The following ADAMTS15 variants were observed in gnomAD, a reference collection of about 807,000 sequenced individuals.
ADAMTS15 encodes ADAM metallopeptidase with thrombospondin type 1 motif 15.
Under a neutral mutation model 79.1 loss-of-function variants are expected in ADAMTS15, and 35 were observed. That is an observed-to-expected ratio of 0.44 (90% CI 0.34 to 0.59). The LOEUF is 0.59. ADAMTS15 is among the 20% of genes least tolerant of loss of function. The probability of loss-of-function intolerance (pLI) is 0.02; values close to 1 mark genes in which losing one functional copy is unlikely to be tolerated. For missense variants in ADAMTS15, 1,324 were observed against 1,318.7 expected (o/e 1.00, Z -0.06); for synonymous variants, 616 against 567.3 (o/e 1.09, Z -1.22).
Position 130,448,986 on chromosome 11 carries a change from G to A in ADAMTS15, c.13G>A (p.Gly5Ser). The change falls in exon 1 of 8, where the codon GGC becomes AGC. Residue 5 changes from glycine (G) to serine (S), a missense_variant. By Grantham distance (56) the Gly-to-Ser change is moderately conservative. Transcript: ENST00000299164. MLLL[G>S]ILTLAFAGRT... ...GCTGCCCGGCGCCATGCTTCTGCTG[G>A]GCATCCTAACCCTGGCTTTCGCCGG... 6.7e-7 allele frequency: 1 copy of A among 1,500,908 alleles called. No homozygotes were observed. The highest frequency in any genetic ancestry group is 8.9e-7 in the Non-Finnish European group (1 of 1,125,908). 93.0% of individuals were successfully genotyped at this position (1,500,908 alleles called of 1,614,324 possible).
chr11:130,473,880 C>G lies in ADAMTS15; in HGVS notation c.*59C>G. The G allele has an allele frequency of 6.6e-7, 1 of 1,509,752 alleles. No individual in the cohort carries two copies. The highest frequency in any genetic ancestry group is 8.8e-7 in the Non-Finnish European group (1 of 1,132,206). 93.5% of individuals were successfully genotyped at this position (1,509,752 alleles called of 1,614,324 possible). A position where few individuals can be genotyped will look rare whatever the true frequency, so the allele number is the denominator to read the frequency against. ...CCCCACTGATATGCCAGCGTTCTGC[C>G]AGCTGGAGTAGCGGGCAGAGGACGG... On this transcript the variant is annotated 3_prime_UTR_variant, in exon 8 of 8. Coordinates refer to ENST00000299164, the MANE Select transcript of ADAMTS15 (RefSeq NM_139055.4).
rs1315581403 is a variant in ADAMTS15 at position 130,449,540 on chromosome 11, C to T, written c.567C>T (p.Asp189=). The T allele has an allele frequency of 6.3e-7, 1 of 1,576,194 alleles. No individual in the cohort carries two copies. The highest frequency in any genetic ancestry group is 8.6e-7 in the Non-Finnish European group (1 of 1,160,610). ...ACCCCGCCATCCTACGGGCCCTGGA[C>T]CCTTACAAGCCGCGGCGGGCGGGCT... ...GWNPAILRAL[D]PYKPRRAGFG... The change falls in exon 1 of 8, where the codon GAC becomes GAT. Residue 189 remains aspartate, a synonymous_variant. Transcript: ENST00000299164. The surrounding 1 kb of genome is among the most constrained non-coding windows in gnomAD (Gnocchi z 7.8).
chr11:130,449,369 C>T lies in ADAMTS15; in HGVS notation c.396C>T (p.Ala132=), dbSNP rs769119926. Residue 132 remains alanine (A), a synonymous_variant, in exon 1 of 8, where the codon GCC becomes GCT. Transcript: ENST00000299164. This position sits in a 1 kb window ranked among gnomAD's most constrained non-coding sequence, Gnocchi z 7.8. ...GLRGAFGYRG[A]EYVISPLPNA... is the part of the protein sequence containing the mutation. ...GCGGAGCCTTTGGCTACCGAGGCGCCGAGTATGTCATTAGCCCGCTGCCCA... is the reference window on the plus strand; with the variant it reads ...GCGGAGCCTTTGGCTACCGAGGCGCTGAGTATGTCATTAGCCCGCTGCCCA... The T allele has an allele frequency of 3.7e-6, 6 of 1,605,262 alleles. No individual in the cohort carries two copies. Among genetic ancestry groups the T allele is most frequent in the Non-Finnish European group, 5.1e-6 (6 of 1,179,924 alleles).
At chr11:130,459,828 T>G (rs1477195725) in intron 1 of ADAMTS15, among the ~76,000 whole-genome samples, 1 of 152,272 alleles carries the variant, frequency 6.6e-6, no homozygotes, top group Non-Finnish European at 1.5e-5. Flanking sequence ...TTCTGTACTC[T>G]GACCGCTTTT....
rs1189342305 is a variant in ADAMTS15, at chr11:130,473,644, G to C, written c.2676G>C (p.Glu892Asp). ...CCGTGGAGACACAAGCCTGCGGGGA[G>C]CCCTGCCCCACCTGGGAGCTCAGCG... ...HRPVETQACG[E>D]PCPTWELSAW... Residue 892 changes from glutamate (E) to aspartate (D), a missense_variant, in exon 8 of 8, where the codon GAG becomes GAC. Transcript: ENST00000299164. 7.5e-6 allele frequency: 12 copies of C among 1,607,720 alleles called. No individual in the cohort carries two copies. The East Asian group carries it at 2.7e-4, about 36-fold the overall frequency.
At chr11:130,451,974 C>A (rs1937970839) in intron 1 of ADAMTS15, among the ~76,000 whole-genome samples, 1 of 152,170 alleles carries the variant, frequency 6.6e-6, no homozygotes. Flanking sequence ...GCCTAGAGAG[C>A]AAAGCTAGAG....
chr11:130,473,581 G>A lies in ADAMTS15; in HGVS notation c.2613G>A (p.Gly871=), dbSNP rs761216784. The A allele has an allele frequency of 5.0e-6, 8 of 1,604,948 alleles. No homozygotes were observed. In the South Asian group the frequency reaches 7.7e-5, roughly 16 times the overall value. Residue 871 remains glycine (G), a synonymous_variant, in exon 8 of 8, where the codon GGG becomes GGA. Transcript: ENST00000299164. ...CGGTGGACTGCCGGGGCTCCGCCGGGCAGCGCACGGTCCCTGCCTGTGATG... is the reference window on the plus strand; with the variant it reads ...CGGTGGACTGCCGGGGCTCCGCCGGACAGCGCACGGTCCCTGCCTGTGATG... The part of the protein sequence containing the change: ...KRAVDCRGSA[G]QRTVPACDAA...
chr11:130,461,545 G>C lies in ADAMTS15; in HGVS notation c.1014G>C (p.Met338Ile), dbSNP rs563984221. Residue 338 changes from methionine to isoleucine, a missense_variant, in exon 2 of 8, where the codon ATG (methionine) becomes ATC (isoleucine). Met to Ile is a conservative substitution (Grantham distance 10). Coordinates refer to ENST00000299164, the MANE Select transcript of ADAMTS15 (RefSeq NM_139055.4). ...DTLGMADVGT[M>I]CDPKRSCSVI... is the part of the protein sequence containing the mutation. ...TGGGCATGGCTGATGTGGGTACCAT[G>C]TGTGACCCCAAGAGAAGCTGCTCTG... 1 of 1,614,188 alleles carries C rather than the reference G, an allele frequency of 6.2e-7. No homozygotes were observed. Among genetic ancestry groups the C allele is most frequent in the South Asian group, 1.1e-5 (1 of 91,084 alleles).
chr11:130,466,463 A>G (rs984936006), intron 4 of ADAMTS15, among the ~76,000 whole-genome samples: 2 of 152,144 alleles, frequency 1.3e-5, no homozygotes, highest in African/African-American at 2.4e-5. Context: ...GCAACTCCAC[A>G]TTCTGGTTGC....
intron 4 of ADAMTS15, among the ~76,000 whole-genome samples, chr11:130,466,383 C>T (rs1346000608): frequency 6.6e-6 from 1 of 152,196 alleles, no homozygotes; most frequent in Non-Finnish European, 1.5e-5. Flanking sequence ...GTCCATTGGA[C>T]ACCTGATTAG....
At position 130,468,678 on chromosome 11, in the gene ADAMTS15, T is replaced by C. The variant is rs1026262139; in HGVS notation, c.1543-584T>C. Reference sequence around the variant, plus strand: ...TACTCGGGAGGCTGAGGCAGGAGAATGGCGTGAACCCAGGAGGCGGAGCTT... The same window carrying C: ...TACTCGGGAGGCTGAGGCAGGAGAACGGCGTGAACCCAGGAGGCGGAGCTT... On this transcript the variant is annotated intron_variant, in intron 4 of 7. Transcript: ENST00000299164. Among the ~76,000 whole-genome samples the C allele has an allele frequency of 9.8e-5, 14 of 143,490 alleles. No homozygotes were observed. In the South Asian group the frequency reaches 3.0e-3, roughly 31 times the overall value. The allele number at this position is 143,490 out of a possible 152,430, so 94.1% of individuals were successfully genotyped here. A position where few individuals can be genotyped will look rare whatever the true frequency, so the allele number is the denominator to read the frequency against.
At chr11:130,464,282 C>T (rs1938259895) in intron 4 of ADAMTS15, among the ~76,000 whole-genome samples, 1 of 152,206 alleles carries the variant, frequency 6.6e-6, no homozygotes, top group Admixed American at 6.5e-5. Flanking sequence ...TCCACACTTT[C>T]TGGAATTCTG....
intron 5 of ADAMTS15, among the ~76,000 whole-genome samples, chr11:130,470,157 T>TACACAC (rs1938403504): frequency 5.0e-5 from 2 of 40,350 alleles, no homozygotes; most frequent in Non-Finnish European, 9.2e-5. Context: ...TATATGTGTA[T>TACACAC]ATATATATAT....
At position 130,449,103 on chromosome 11, in the gene ADAMTS15, G is replaced by T; in HGVS notation, c.130G>T (p.Gly44Cys). ...TAACGGCCGCCGCTACTACTGGCGG[G>T]GTCCCGAGGACTCCGGGGATCAGGG... is the stretch of plus-strand genomic sequence containing the variant. ...DINGRRYYWR[G>C]PEDSGDQGLI... The change falls in exon 1 of 8, where the codon GGT (glycine) becomes TGT (cysteine). Residue 44 changes from glycine (G) to cysteine (C), a missense_variant. Physicochemically the swap from Gly to Cys is radical, Grantham distance 159. Transcript: ENST00000299164. The surrounding 1 kb of genome is among the most constrained non-coding windows in gnomAD (Gnocchi z 7.8). 1 of 1,582,586 alleles carries T rather than the reference G, an allele frequency of 6.3e-7. No homozygotes were observed. Among genetic ancestry groups the T allele is most frequent in the Non-Finnish European group, 8.6e-7 (1 of 1,159,808 alleles).
chr11:130,459,025 GT>G (rs757221690), intron 1 of ADAMTS15, among the ~76,000 whole-genome samples: 1,384 of 75,386 alleles, frequency 0.018, 2 homozygotes, highest in South Asian at 0.026. Flanking sequence ...CCTCCCAAGT[GT>G]TTTTTTTTTT....
chr11:130,468,776 A>T (rs796276973), intron 4 of ADAMTS15, among the ~76,000 whole-genome samples: 3 of 148,030 alleles, frequency 2.0e-5, no homozygotes, highest in African/African-American at 7.7e-5. Flanking sequence ...AAAAAAAAAA[A>T]AAAAAAAATA....
Position 130,470,839 on chromosome 11 carries a change from G to A in ADAMTS15, c.1721-81G>A, listed in dbSNP as rs894625331. On this transcript the variant is annotated intron_variant, in intron 5 of 7. Coordinates refer to ENST00000299164, the MANE Select transcript of ADAMTS15 (RefSeq NM_139055.4). ...GGTGGGAAGGGCTAAGAGAGCCACG[G>A]CAGGCTGGGAGGGAGGCTTGTCCTT... is the stretch of plus-strand genomic sequence containing the variant. 15 of 1,477,520 alleles carry A rather than the reference G, an allele frequency of 1.0e-5. No individual in the cohort carries two copies. The African/African-American group carries it at 1.7e-4, about 17-fold the overall frequency. The allele number at this position is 1,477,520 out of a possible 1,614,324, so 91.5% of individuals were successfully genotyped here. A position where few individuals can be genotyped will look rare whatever the true frequency, so the allele number is the denominator to read the frequency against.
At position 130,449,829 on chromosome 11, in the gene ADAMTS15, G is replaced by A; in HGVS notation, c.856G>A (p.Ala286Thr). 4 of 1,609,650 alleles carry A rather than the reference G, an allele frequency of 2.5e-6. No homozygotes were observed. The highest frequency in any genetic ancestry group is 3.4e-6 in the Non-Finnish European group (4 of 1,180,006). The change falls in exon 1 of 8, where the codon GCC becomes ACC. Residue 286 changes from alanine to threonine, a missense_variant. Ala to Thr is a moderately conservative substitution (Grantham distance 58, BLOSUM62 0). Transcript: ENST00000299164. This position sits in a 1 kb window ranked among gnomAD's most constrained non-coding sequence, Gnocchi z 7.8. The stretch of plus-strand genomic sequence containing the variant: ...CGGGCCCAAGGTCACCGGCAATGCG[G>A]CCCTGACGCTGCGCAACTTCTGTGC... ...DSGPKVTGNA[A>T]LTLRNFCAWQ...
At chr11:130,464,310 T>C (rs538067936) in intron 4 of ADAMTS15, among the ~76,000 whole-genome samples, 1 of 152,304 alleles carries the variant, frequency 6.6e-6, no homozygotes, top group South Asian at 2.1e-4. Context: ...TCAGGCAAGA[T>C]CTACCTCCTC....
Sources: gnomAD v4.1 joint callset for allele counts (sites outside exome capture counted in the v4.1 genomes callset) on GRCh38, gnomAD v4.1.1 for gene constraint, Gnocchi (gnomAD v3.1) non-coding constraint, MANE v1.5 for transcripts, NCBI Gene and HGNC (gene_info 2026-07-23, HGNC 2026-07-21) for gene names.